DHRS12: variants seen among roughly 807,000 people sequenced by gnomAD.
DHRS12 encodes dehydrogenase/reductase SDR family member 12.
DHRS12 carries 29 observed loss-of-function variants against 32.1 expected under a neutral mutation model. That is an observed-to-expected ratio of 0.90 (90% CI 0.67 to 1.23). DHRS12 has a LOEUF of 1.23. Among genes scored for constraint, DHRS12 ranks in the 50% most tolerant of loss-of-function variants. DHRS12 has a pLI of 0.00. For missense variants in DHRS12, 330 were observed against 337.2 expected (o/e 0.98, Z 0.17); for synonymous variants, 150 against 135.9 (o/e 1.10, Z -0.72).
intron 2 of DHRS12, among the ~76,000 whole-genome samples, chr13:51,796,491 C>T (rs1265570338): frequency 4.6e-5 from 7 of 152,192 alleles, no homozygotes; most frequent in Non-Finnish European, 1.0e-4. Context: ...TTGCTTTCTC[C>T]CCAGTGCAGG....
At chr13:51,788,290 C>T (rs1428857917) in intron 4 of DHRS12, among the ~76,000 whole-genome samples, 1 of 151,996 alleles carries the variant, frequency 6.6e-6, no homozygotes, top group Non-Finnish European at 1.5e-5. Context: ...CTAGCATGAC[C>T]CCACATTTTG....
At chr13:51,783,914 T>G (rs149679201) in intron 4 of DHRS12, among the ~76,000 whole-genome samples, 21 of 152,358 alleles carry the variant, frequency 1.4e-4, no homozygotes, top group African/African-American at 4.6e-4. Context: ...TGACTCCTGT[T>G]TGGGGCGATT....
At chr13:51,787,869 ATATATAAT>A (rs1235957607) in intron 4 of DHRS12, among the ~76,000 whole-genome samples, 6 of 12,078 alleles carry the variant, frequency 5.0e-4, no homozygotes, top group Middle Eastern at 0.05. Context: ...TAATATATAA[ATATATAAT>A]TATATATAAT....
At chr13:51,769,803 C>A (rs1953930643) in intron 7 of DHRS12, among the ~76,000 whole-genome samples, 1 of 152,240 alleles carries the variant, frequency 6.6e-6, no homozygotes. Context: ...CTGCCAAGCC[C>A]CTCGAGGTGT....
At chr13:51,762,904 T>G in the DHRS12 span, 2 of 152,220 alleles carry the variant, frequency 1.3e-5, no homozygotes, top group Non-Finnish European at 2.9e-5. Context: ...CGAATGACAT[T>G]ACTTGACATT....
At position 51,774,469 on chromosome 13, in the gene DHRS12, A is replaced by AGTACAT. The variant is rs551148175; in HGVS notation, c.364-436_364-435insATGTAC. The AGTACAT allele has an allele frequency of 2.1e-3, 154 of 73,136 alleles. 1 individual carries two copies. The highest frequency in any genetic ancestry group is 0.012 in the African/African-American group (146 of 11,866). 4.5% of individuals were successfully genotyped at this position (73,136 alleles called of 1,614,324 possible). A position where few individuals can be genotyped will look rare whatever the true frequency, so the allele number is the denominator to read the frequency against. On this transcript the variant is annotated intron_variant, in intron 5 of 8. Coordinates refer to ENST00000444610, the MANE Select transcript of DHRS12 (RefSeq NM_001377533.1). ...TCCTACAGTACATGTATTCTCCTAC[A>AGTACAT]GTATTCTCCTACAGTATTCTCCTAC... is the stretch of plus-strand genomic sequence containing the variant.
At chr13:51,759,981 A>C in the DHRS12 span, 602 of 499,834 alleles carry the variant, frequency 1.2e-3, 2 homozygotes, top group African/African-American at 0.01. Context: ...AATATAAAAG[A>C]AGCTATTTTT....
chr13:51,803,468 T>C (rs2139495781), intron 1 of DHRS12: 1 of 152,348 alleles, frequency 6.6e-6, no homozygotes, highest in African/African-American at 2.4e-5. Context: ...CTGTCACCTC[T>C]TAAAACCACA....
rs535856517 is a variant in DHRS12 at position 51,769,099 on chromosome 13, C to T, written c.697+57G>A. ...CGGAGGGGAAGGTGCGCCTCGAAGG[C>T]CCAGCTGCTGCCCCTAGCCCTGTGT... On this transcript the variant is annotated intron_variant, in intron 8 of 8. Coordinates refer to ENST00000444610, the MANE Select transcript of DHRS12 (RefSeq NM_001377533.1). 3.0e-5 allele frequency: 47 copies of T among 1,547,030 alleles called. No homozygotes were observed. The South Asian group carries it at 5.4e-4, about 18-fold the overall frequency.
rs140862341 is a variant in DHRS12, at chr13:51,769,573, G to C, written c.560-280C>G. On this transcript the variant is annotated intron_variant, in intron 7 of 8. Coordinates refer to ENST00000444610, the MANE Select transcript of DHRS12 (RefSeq NM_001377533.1). ...CACCCAGCCCAGCCCTGAGAGCAGA[G>C]TCGCCCGCAGAGCCCTCCCTTTCCA... Among the ~76,000 whole-genome samples, 511 of 152,164 alleles carry C rather than the reference G, an allele frequency of 3.4e-3. 2 individuals are homozygous for C. Among genetic ancestry groups the C allele is most frequent in the Non-Finnish European group, 5.4e-3 (366 of 67,996 alleles).
intron 7 of DHRS12, among the ~76,000 whole-genome samples, chr13:51,769,809 GGTGT>G: frequency 6.6e-6 from 1 of 152,360 alleles, no homozygotes; most frequent in East Asian, 1.9e-4. Flanking sequence ...AGCCCCTCGA[GGTGT>G]CCCACCCTCT....
chr13:51,765,791 A>G (rs1231774555), downstream of DHRS12: 2 of 152,204 alleles, frequency 1.3e-5, no homozygotes, highest in Non-Finnish European at 2.9e-5. Flanking sequence ...GGCAAAAAAA[A>G]TTCTTTTTAA....
Position 51,769,290 on chromosome 13 carries a change from A to G in DHRS12, c.563T>C (p.Val188Ala), listed in dbSNP as rs778985501. The G allele has an allele frequency of 3.2e-6, 5 of 1,568,382 alleles. No homozygotes were observed. The highest frequency in any genetic ancestry group is 2.3e-5 in the South Asian group (2 of 85,702). ...GTGGAACCCCGGCATCGCCTGCCTC[A>G]CACCTGGGAGAAGGAAGGGTCAGGC... ...MHPGWADTPG[V>A]RQAMPGFHAR... is the part of the protein sequence containing the mutation. Residue 188 changes from valine to alanine, a missense_variant, in exon 8 of 9, where the codon GTG (valine) becomes GCG (alanine). By Grantham distance (64) the Val-to-Ala change is moderately conservative (BLOSUM62 0). Transcript: ENST00000444610.
At chr13:51,785,181 T>C (rs1381708916) in intron 4 of DHRS12, among the ~76,000 whole-genome samples, 1 of 152,126 alleles carries the variant, frequency 6.6e-6, no homozygotes, top group Non-Finnish European at 1.5e-5. Flanking sequence ...TGAGCTGAGA[T>C]TGTGCCACTA....
chr13:51,767,519 T>G (rs544885052), downstream of DHRS12: 1 of 152,302 alleles, frequency 6.6e-6, no homozygotes, highest in Non-Finnish European at 1.5e-5. Flanking sequence ...ACACCAAGAA[T>G]GTATGTAGAT....
the DHRS12 span, chr13:51,755,545 GGGAGTT>G: frequency 4.9e-5 from 65 of 1,324,428 alleles, no homozygotes; most frequent in Admixed American, 1.1e-3. Context: ...ACCCCTGGGT[GGGAGTT>G]GTGGTGAGGG....
the DHRS12 span, chr13:51,755,315 G>A: frequency 1.3e-6 from 2 of 1,596,376 alleles, no homozygotes; most frequent in Non-Finnish European, 1.7e-6. Flanking sequence ...CCATTGTCCT[G>A]ACTGCTGGCC....
Position 51,768,230 on chromosome 13 carries a change from TTCTCC to T in DHRS12, c.759_763del (p.Glu254ThrfsTer3). On this transcript the variant is annotated frameshift_variant, in exon 9 of 9. Transcript: ENST00000444610. LOFTEE classifies it high-confidence loss of function. The stretch of plus-strand genomic sequence containing the variant: ...CAGCTGTTCCAGGATTTCAATGAGT[TTCTCC>T]TCTTCGGCCGGTGAGGAGGACGCTG... 1 of 1,536,114 alleles carries T rather than the reference TTCTCC, an allele frequency of 6.5e-7. No homozygotes were observed. Among genetic ancestry groups the T allele is most frequent in the South Asian group, 1.2e-5 (1 of 84,058 alleles).
chr13:51,781,729 C>T (rs7984877), intron 4 of DHRS12, among the ~76,000 whole-genome samples: 3,202 of 152,228 alleles, frequency 0.021, 103 homozygotes, highest in African/African-American at 0.073. Context: ...CAGCTGCAAC[C>T]GAGTGAGCAT....
Sources: gnomAD v4.1 joint callset for allele counts (sites outside exome capture counted in the v4.1 genomes callset) on GRCh38, gnomAD v4.1.1 for gene constraint, MANE v1.5 for transcripts, NCBI Gene and HGNC (gene_info 2026-07-23, HGNC 2026-07-21) for gene names.